DACH1: variants seen among roughly 807,000 people sequenced by gnomAD.
The protein encoded by DACH1 is dachshund family transcription factor 1, also known as dachshund homolog 1.
A neutral mutation model predicts 54.2 loss-of-function variants in DACH1; 12 were observed. The observed-to-expected ratio is 0.22, with a 90% CI of 0.14 to 0.36. The LOEUF (loss-of-function observed/expected upper bound fraction) is 0.36, where lower values mean the gene tolerates loss of function less well. Among genes scored for constraint, DACH1 ranks in the 10% least tolerant of loss-of-function variants. The pLI is 1.00. For synonymous variants in DACH1, 386 were observed against 366.2 expected, an observed-to-expected ratio of 1.05 and a Z score of -0.62; for missense variants, 805 against 929.8, an observed-to-expected ratio of 0.87 and a Z score of 1.75.
chr13:71,756,815 TA>T (rs1885181566), intron 1 of DACH1, among the ~76,000 whole-genome samples: 1 of 152,146 alleles, frequency 6.6e-6, no homozygotes. Flanking sequence ...ACTCTCAGTA[TA>T]TATAGAAAGT....
chr13:71,664,762 G>A (rs1371643011), intron 2 of DACH1, among the ~76,000 whole-genome samples: 4 of 151,884 alleles, frequency 2.6e-5, no homozygotes, highest in South Asian at 2.1e-4. Flanking sequence ...TGACGCCTTC[G>A]TATTTTCCAA....
At chr13:71,773,256 C>T (rs1047260298) in intron 1 of DACH1, among the ~76,000 whole-genome samples, 1 of 151,746 alleles carries the variant, frequency 6.6e-6, no homozygotes, top group Non-Finnish European at 1.5e-5. Flanking sequence ...AAAAGAAAAA[C>T]CATATGATGT....
chr13:71,689,368 G>T (rs577302566), intron 1 of DACH1, among the ~76,000 whole-genome samples: 7 of 152,192 alleles, frequency 4.6e-5, no homozygotes, highest in Non-Finnish European at 8.8e-5. Context: ...TGAATACTGA[G>T]CAATGTAAGA....
chr13:71,735,587 A>C (rs1018950288), intron 1 of DACH1, among the ~76,000 whole-genome samples: 1 of 150,824 alleles, frequency 6.6e-6, no homozygotes, highest in Non-Finnish European at 1.5e-5. Context: ...ATACGTGTAT[A>C]TGGGATATAC....
At chr13:71,798,326 A>G (rs1887144474) in intron 1 of DACH1, among the ~76,000 whole-genome samples, 1 of 9,512 alleles carries the variant, frequency 1.1e-4, no homozygotes. Context: ...TTACATACAT[A>G]TATATATATA....
rs184602275 is a variant in DACH1 at position 71,439,606 on chromosome 13, G to C, written c.*1049C>G. Reference sequence around the variant, plus strand: ...ATAGTGCAGCTTGGGGCACTAGCTAGGGTTCAATATACAAATAAAAGTGGC... The same window carrying C: ...ATAGTGCAGCTTGGGGCACTAGCTACGGTTCAATATACAAATAAAAGTGGC... On this transcript the variant is annotated 3_prime_UTR_variant, in exon 11 of 11. Coordinates refer to ENST00000613252, the MANE Select transcript of DACH1 (RefSeq NM_080759.6). 1 of 152,406 alleles carries C rather than the reference G, an allele frequency of 6.6e-6. No individual in the cohort carries two copies. Among genetic ancestry groups the C allele is most frequent in the Non-Finnish European group, 1.5e-5 (1 of 67,918 alleles). The allele number at this position is 152,406 out of a possible 1,614,324, so 9.4% of individuals were successfully genotyped here.
At chr13:71,765,337 C>T (rs780474117) in intron 1 of DACH1, among the ~76,000 whole-genome samples, 1 of 152,150 alleles carries the variant, frequency 6.6e-6, no homozygotes, top group Non-Finnish European at 1.5e-5. Flanking sequence ...GGCACTGTCA[C>T]GTCCATCTGC....
At chr13:71,465,393 A>G (rs1052488676) in intron 10 of DACH1, among the ~76,000 whole-genome samples, 1 of 152,096 alleles carries the variant, frequency 6.6e-6, no homozygotes, top group East Asian at 1.9e-4. Flanking sequence ...AAAAAAATTA[A>G]TTGTATTTAT....
In DACH1 at chr13:71,557,073, C is replaced by T. The variant is rs372102063; in HGVS notation, c.1521G>A (p.Leu507=). The change falls in exon 6 of 11, where the codon TTG becomes TTA. Residue 507 remains leucine, a synonymous_variant. Transcript: ENST00000613252. The part of the protein sequence containing the change: ...NVLPGPKEGD[L]AGHDMGHESK... ...ACTCATGTCCCATGTCATGACCGGC[C>T]AAATCTCCCTCTTTGGGCCCAGGAA... The T allele has an allele frequency of 1.9e-6, 3 of 1,611,052 alleles. No individual in the cohort carries two copies. In the African/African-American group the frequency reaches 4.0e-5, roughly 22 times the overall value.
intron 3 of DACH1, among the ~76,000 whole-genome samples, chr13:71,601,435 T>C (rs1170223893): frequency 6.6e-6 from 1 of 152,050 alleles, no homozygotes; most frequent in Admixed American, 6.6e-5. Flanking sequence ...CATCACTACA[T>C]AGTAATTTAT....
intron 10 of DACH1, among the ~76,000 whole-genome samples, chr13:71,453,938 G>A (rs1485356036): frequency 1.3e-5 from 2 of 152,122 alleles, no homozygotes; most frequent in East Asian, 1.9e-4. Context: ...CAGTATATGG[G>A]TGAGAACAAT....
intron 1 of DACH1, among the ~76,000 whole-genome samples, chr13:71,801,167 C>T (rs1213571203): frequency 1.3e-5 from 2 of 152,136 alleles, no homozygotes; most frequent in African/African-American, 4.8e-5. Flanking sequence ...TTATGTGAAG[C>T]AAATTCAGTC....
rs1884890253 is a variant in DACH1, at chr13:71,750,856, AAC to A, written c.849-68948_849-68947del. On this transcript the variant is annotated intron_variant, in intron 1 of 10. Coordinates refer to ENST00000613252, the MANE Select transcript of DACH1 (RefSeq NM_080759.6). ...GGGAAGGGGTGGGAGCCATCAATGAAACACACACATTGTTGTCCAAGTTAAAC... is the reference window on the plus strand; with the variant it reads ...GGGAAGGGGTGGGAGCCATCAATGAAACACACATTGTTGTCCAAGTTAAAC... 2.0e-5 allele frequency among the ~76,000 whole-genome samples: 3 copies of A among 152,308 alleles called. No homozygotes were observed. The South Asian group carries it at 6.2e-4, about 32-fold the overall frequency.
intron 4 of DACH1, among the ~76,000 whole-genome samples, chr13:71,560,852 A>C (rs1223406652): frequency 6.6e-6 from 1 of 152,202 alleles, no homozygotes; most frequent in Non-Finnish European, 1.5e-5. Context: ...TAACAGACAC[A>C]GGCCTTGATG....
At chr13:71,809,499 G>A (rs893985309) in intron 1 of DACH1, among the ~76,000 whole-genome samples, 1 of 152,124 alleles carries the variant, frequency 6.6e-6, no homozygotes, top group Non-Finnish European at 1.5e-5. Context: ...TTTAAGATGT[G>A]CACTTTTGAA....
At chr13:71,442,821 ATACTC>A (rs1874126939) in intron 10 of DACH1, among the ~76,000 whole-genome samples, 1 of 151,992 alleles carries the variant, frequency 6.6e-6, no homozygotes, top group Non-Finnish European at 1.5e-5. Context: ...TTATAACAAT[ATACTC>A]TAATATAAGT....
At chr13:71,697,547 G>T (rs1881893297) in intron 1 of DACH1, among the ~76,000 whole-genome samples, 1 of 152,182 alleles carries the variant, frequency 6.6e-6, no homozygotes, top group Non-Finnish European at 1.5e-5. Context: ...AATCTATAGA[G>T]CTTGAAATTA....
intron 6 of DACH1, among the ~76,000 whole-genome samples, chr13:71,524,255 G>A (rs1016907964): frequency 1.3e-5 from 2 of 152,076 alleles, no homozygotes; most frequent in East Asian, 1.9e-4. Flanking sequence ...TCAGAAATCT[G>A]TATGGCAAAT....
chr13:71,619,058 C>T (rs926511382), intron 3 of DACH1, among the ~76,000 whole-genome samples: 1 of 151,050 alleles, frequency 6.6e-6, no homozygotes, highest in Non-Finnish European at 1.5e-5. Context: ...AAAGGTAGTG[C>T]TGAAAACATT....
Sources: gnomAD v4.1 joint callset for allele counts (sites outside exome capture counted in the v4.1 genomes callset) on GRCh38, gnomAD v4.1.1 for gene constraint, MANE v1.5 for transcripts, NCBI Gene and HGNC (gene_info 2026-07-23, HGNC 2026-07-21) for gene names.